The following MACROD2 variants were observed in gnomAD, a reference collection of about 807,000 sequenced individuals.
The protein encoded by MACROD2 is mono-ADP ribosylhydrolase 2.
Under a neutral mutation model 70.4 loss-of-function variants are expected in MACROD2, and 36 were observed. The ratio of observed to expected loss-of-function variants is 0.51; its 90% CI spans 0.39 to 0.68. The LOEUF is 0.68. MACROD2 is among the 30% of genes least tolerant of loss of function. MACROD2 has a pLI of 0.00. For missense variants in MACROD2, 496 were observed against 538.4 expected (o/e 0.92, Z 0.78); for synonymous variants, 172 against 178.8 (o/e 0.96, Z 0.30).
At chr20:14,833,867 A>T (rs1296956279) in intron 5 of MACROD2, among the ~76,000 whole-genome samples, 1 of 152,110 alleles carries the variant, frequency 6.6e-6, no homozygotes, top group East Asian at 1.9e-4. Flanking sequence ...TAAATTGCAT[A>T]AGCTGAATAA....
At chr20:15,607,923 A>G (rs1419705991) in intron 8 of MACROD2, among the ~76,000 whole-genome samples, 2 of 152,242 alleles carry the variant, frequency 1.3e-5, no homozygotes, top group Admixed American at 6.5e-5. Context: ...ACTAAAATCA[A>G]TATCCAGAGA....
At chr20:15,567,265 T>C (rs553643272) in intron 8 of MACROD2, among the ~76,000 whole-genome samples, 1 of 152,320 alleles carries the variant, frequency 6.6e-6, no homozygotes, top group African/African-American at 2.4e-5. Flanking sequence ...AAAAATATTG[T>C]TCTCTTTCAT....
chr20:15,451,124 T>C (rs1256569480), intron 7 of MACROD2, among the ~76,000 whole-genome samples: 1 of 152,122 alleles, frequency 6.6e-6, no homozygotes, highest in East Asian at 1.9e-4. Context: ...TATTGTCTTT[T>C]GGAAGTCAGA....
rs549721521 is a variant in MACROD2 at position 15,181,490 on chromosome 20, G to T, written c.419-48450G>T. Among the ~76,000 whole-genome samples the T allele has an allele frequency of 8.5e-5, 13 of 152,326 alleles. No individual in the cohort carries two copies. The South Asian group carries it at 2.7e-3, about 32-fold the overall frequency. ...AACTGCCAAAGGCCAACAGCAGTGT[G>T]TTGGGGTTATATGTCTATCCTTTTG... On this transcript the variant is annotated intron_variant, in intron 5 of 17. Coordinates refer to ENST00000684519, the MANE Select transcript of MACROD2 (RefSeq NM_001351661.2).
At chr20:14,906,233 C>G (rs1414987222) in intron 5 of MACROD2, among the ~76,000 whole-genome samples, 1 of 152,142 alleles carries the variant, frequency 6.6e-6, no homozygotes, top group Non-Finnish European at 1.5e-5. Context: ...TTAGCTCATG[C>G]CTATAATCCT....
chr20:14,661,958 A>G (rs1986248429), intron 4 of MACROD2, among the ~76,000 whole-genome samples: 1 of 152,124 alleles, frequency 6.6e-6, no homozygotes, highest in African/African-American at 2.4e-5. Flanking sequence ...AAAATAAGCA[A>G]TTGTGAGAAA....
intron 8 of MACROD2, among the ~76,000 whole-genome samples, chr20:15,788,791 A>C (rs2051973534): frequency 6.6e-6 from 1 of 152,226 alleles, no homozygotes; most frequent in Non-Finnish European, 1.5e-5. Context: ...TTAAAATGAC[A>C]GACCTATAAT....
rs191909630 is a variant in MACROD2, at chr20:14,291,843, C to T, written c.272-201636C>T. Among the ~76,000 whole-genome samples the T allele has an allele frequency of 3.4e-4, 51 of 151,892 alleles. 1 individual carries two copies. The highest frequency in any genetic ancestry group is 1.2e-3 in the African/African-American group (51 of 41,280). On this transcript the variant is annotated intron_variant, in intron 3 of 17. Transcript: ENST00000684519. ...AGAATTACTTTATTTTTCTCCTTAC[C>T]TATTACGTATCTTAGGTTGGATTCC...
At chr20:15,405,727 A>C (rs2045991315) in intron 6 of MACROD2, among the ~76,000 whole-genome samples, 1 of 151,920 alleles carries the variant, frequency 6.6e-6, no homozygotes, top group Non-Finnish European at 1.5e-5. Flanking sequence ...AAATCTTCCT[A>C]CCCCGACCTT....
intron 5 of MACROD2, among the ~76,000 whole-genome samples, chr20:15,178,304 T>C (rs2076476596): frequency 6.6e-6 from 1 of 152,198 alleles, no homozygotes; most frequent in Non-Finnish European, 1.5e-5. Flanking sequence ...CCTCTACCAC[T>C]CCACTCTAAA....
At chr20:15,272,903 T>C (rs1223284485) in intron 6 of MACROD2, among the ~76,000 whole-genome samples, 2 of 152,196 alleles carry the variant, frequency 1.3e-5, no homozygotes, top group Non-Finnish European at 2.9e-5. Context: ...ACTATCCTAA[T>C]CCTAATTAGT....
At chr20:15,760,162 C>T (rs1230528081) in intron 8 of MACROD2, among the ~76,000 whole-genome samples, 1 of 152,168 alleles carries the variant, frequency 6.6e-6, no homozygotes, top group Non-Finnish European at 1.5e-5. Flanking sequence ...CATATCTGAT[C>T]CTTTGGATTG....
chr20:15,204,413 T>C (rs953423128), intron 5 of MACROD2, among the ~76,000 whole-genome samples: 1 of 152,168 alleles, frequency 6.6e-6, no homozygotes, highest in African/African-American at 2.4e-5. Flanking sequence ...TTGCATAGCA[T>C]CAATTCATCA....
chr20:15,889,074 A>G (rs1023069559), intron 10 of MACROD2, among the ~76,000 whole-genome samples: 1 of 152,194 alleles, frequency 6.6e-6, no homozygotes, highest in African/African-American at 2.4e-5. Context: ...AGTAAATAAC[A>G]ACTTGAATAC....
intron 13 of MACROD2, among the ~76,000 whole-genome samples, chr20:15,978,212 G>C (rs1471786541): frequency 6.6e-6 from 1 of 152,046 alleles, no homozygotes; most frequent in Non-Finnish European, 1.5e-5. Context: ...CCATACTTTT[G>C]TTAGGGACAA....
chr20:14,957,694 A>G (rs188206388), intron 5 of MACROD2, among the ~76,000 whole-genome samples: 4 of 152,294 alleles, frequency 2.6e-5, no homozygotes, highest in African/African-American at 7.2e-5. Flanking sequence ...GGGATTTGCC[A>G]TGTCTCTACT....
intron 6 of MACROD2, among the ~76,000 whole-genome samples, chr20:15,424,488 C>T (rs2046271739): frequency 6.6e-6 from 1 of 152,146 alleles, no homozygotes. Context: ...GAGGCCAAGG[C>T]AGGAGGATCA....
intron 6 of MACROD2, among the ~76,000 whole-genome samples, chr20:15,306,621 T>C (rs1382144791): frequency 6.6e-6 from 1 of 152,088 alleles, no homozygotes; most frequent in East Asian, 1.9e-4. Flanking sequence ...CTTCCCTGAA[T>C]CCTCGTGTAT....
intron 15 of MACROD2, among the ~76,000 whole-genome samples, chr20:16,004,486 GTCATGC>G (rs2066759999): frequency 6.6e-6 from 1 of 152,236 alleles, no homozygotes; most frequent in Non-Finnish European, 1.5e-5. Flanking sequence ...TACTCCAAAT[GTCATGC>G]TCGGGGTCAG....
Sources: allele counts gnomAD v4.1 joint callset (sites outside exome capture counted in the v4.1 genomes callset), GRCh38; gene constraint gnomAD v4.1.1; transcripts MANE v1.5; gene names NCBI Gene and HGNC (gene_info 2026-07-23, HGNC 2026-07-21).